Variants in TECRL observed in about 807,000 individuals in gnomAD.
TECRL encodes the protein trans-2,3-enoyl-CoA reductase-like.
TECRL carries 63 observed loss-of-function variants against 52.8 expected under a neutral mutation model. That is an observed-to-expected ratio of 1.19 (90% CI 0.97 to 1.47). The LOEUF (loss-of-function observed/expected upper bound fraction) is 1.47. TECRL is among the 40% of genes most tolerant of loss of function. The pLI, the probability that TECRL is intolerant of heterozygous loss-of-function variation, is 0.00. For missense variants in TECRL, 482 were observed against 429.6 expected, an observed-to-expected ratio of 1.12 and a Z score of -1.08; for synonymous variants, 164 against 141.9, an observed-to-expected ratio of 1.16 and a Z score of -1.10.
At chr4:64,286,223 A>G (rs1364243732) in intron 9 of TECRL, among the ~76,000 whole-genome samples, 1 of 152,034 alleles carries the variant, frequency 6.6e-6, no homozygotes, top group East Asian at 1.9e-4. Context: ...CTGAAAATAG[A>G]TATGGAAAAA....
intron 2 of TECRL, among the ~76,000 whole-genome samples, chr4:64,353,969 A>C (rs1447678173): frequency 6.6e-6 from 1 of 152,200 alleles, no homozygotes; most frequent in African/African-American, 2.4e-5. Context: ...AGCTAAAATC[A>C]AACAATAAAA....
intron 4 of TECRL, among the ~76,000 whole-genome samples, chr4:64,317,345 C>A (rs1250399820): frequency 1.3e-5 from 2 of 151,670 alleles, no homozygotes; most frequent in African/African-American, 4.8e-5. Context: ...ATGGCTGCAA[C>A]TGTGAATTGG....
intron 1 of TECRL, among the ~76,000 whole-genome samples, chr4:64,405,629 A>G (rs978606286): frequency 6.6e-6 from 1 of 152,176 alleles, no homozygotes; most frequent in Non-Finnish European, 1.5e-5. Flanking sequence ...TCCAAGGAAA[A>G]TAATAGGTTA....
At chr4:64,339,661 G>T (rs1719409030) in intron 2 of TECRL, among the ~76,000 whole-genome samples, 2 of 151,208 alleles carry the variant, frequency 1.3e-5, no homozygotes, top group Non-Finnish European at 1.5e-5. Flanking sequence ...TGCCCTTTAG[G>T]TCCTTGATCT....
At chr4:64,313,334 C>G (rs181762077) in intron 5 of TECRL, among the ~76,000 whole-genome samples, 1 of 151,558 alleles carries the variant, frequency 6.6e-6, no homozygotes, top group African/African-American at 2.4e-5. Flanking sequence ...CTCCCCAGAT[C>G]CCACTATAGC....
rs35563807 is a variant in TECRL at position 64,407,485 on chromosome 4, A to ATGTGTG, written c.234+1627_234+1632dup. Among the ~76,000 whole-genome samples, 941 of 148,786 alleles carry ATGTGTG rather than the reference A, an allele frequency of 6.3e-3. 8 individuals carry two copies. The highest frequency in any genetic ancestry group is 0.022 in the African/African-American group (888 of 40,586). The stretch of plus-strand genomic sequence containing the variant: ...GGCAAATAATTAGGAACTAATTGGC[A>ATGTGTG]TGTGTGTGTGTGTGTGTGTGTGTGT... On this transcript the variant is annotated intron_variant, in intron 1 of 11. Coordinates refer to ENST00000381210, the MANE Select transcript of TECRL (RefSeq NM_001010874.5).
At chr4:64,368,266 C>T (rs923865393) in intron 2 of TECRL, among the ~76,000 whole-genome samples, 3 of 129,904 alleles carry the variant, frequency 2.3e-5, no homozygotes, top group Non-Finnish European at 4.9e-5. Context: ...AGGCTCATAA[C>T]TGTTTGTTTG....
intron 2 of TECRL, among the ~76,000 whole-genome samples, chr4:64,339,338 C>T (rs144791356): frequency 2.0e-5 from 3 of 150,658 alleles, no homozygotes; most frequent in Admixed American, 6.6e-5. Context: ...ATGTGAATGA[C>T]GTAAATGATG....
chr4:64,399,412 T>A (rs141128436), intron 1 of TECRL, among the ~76,000 whole-genome samples: 419 of 152,178 alleles, frequency 2.8e-3, no homozygotes, highest in African/African-American at 9.4e-3. Context: ...TTTTGAGAAG[T>A]AATTCGAGCA....
At position 64,306,320 on chromosome 4, in the gene TECRL, G is replaced by A. The variant is rs79947803; in HGVS notation, c.658-1082C>T. Reference sequence around the variant, plus strand: ...AGTTTCCCTTCATGGAGCTCTAGCCGTTGTGTGGGACTTAGAAGGATATCC... The same window carrying A: ...AGTTTCCCTTCATGGAGCTCTAGCCATTGTGTGGGACTTAGAAGGATATCC... On this transcript the variant is annotated intron_variant, in intron 6 of 11. Transcript: ENST00000381210. 8.8e-3 allele frequency among the ~76,000 whole-genome samples: 1,336 copies of A among 152,146 alleles called. 18 individuals carry two copies. Among genetic ancestry groups the A allele is most frequent in the African/African-American group, 0.03 (1,263 of 41,512 alleles).
At chr4:64,369,794 C>T (rs1317623300) in intron 2 of TECRL, among the ~76,000 whole-genome samples, 2 of 151,790 alleles carry the variant, frequency 1.3e-5, no homozygotes, top group Non-Finnish European at 2.9e-5. Flanking sequence ...TATTTTAGGT[C>T]CGTGGCACAT....
Position 64,300,131 on chromosome 4 carries a change from G to A in TECRL, c.731-114C>T, listed in dbSNP as rs13139627. 448,253 of 635,860 alleles carry A rather than the reference G, an allele frequency of 0.7. 164,036 individuals carry two copies. The highest frequency in any genetic ancestry group is 0.77 in the East Asian group (24,704 of 31,904). 39.4% of individuals were successfully genotyped at this position (635,860 alleles called of 1,614,324 possible). A position where few individuals can be genotyped will look rare whatever the true frequency, so the allele number is the denominator to read the frequency against. On this transcript the variant is annotated intron_variant, in intron 7 of 11. Transcript: ENST00000381210. ...TATAAATTCTATAATCAATAGAACTGTCTAGTATGTAATTCACCTTTTGGG... is the reference window on the plus strand; with the variant it reads ...TATAAATTCTATAATCAATAGAACTATCTAGTATGTAATTCACCTTTTGGG...
At chr4:64,395,079 T>C (rs1005089348) in intron 1 of TECRL, among the ~76,000 whole-genome samples, 5 of 151,726 alleles carry the variant, frequency 3.3e-5, no homozygotes, top group African/African-American at 4.8e-5. Flanking sequence ...ACCTGGCTAA[T>C]TTTTGTATTT....
intron 2 of TECRL, among the ~76,000 whole-genome samples, chr4:64,332,433 A>T (rs1560505724): frequency 6.6e-6 from 1 of 152,182 alleles, no homozygotes; most frequent in South Asian, 2.1e-4. Context: ...CTGGAAGGAG[A>T]TCGCTTCTTT....
chr4:64,300,155 G>A (rs1326206239), intron 7 of TECRL, 138 bp from the exon 8 acceptor site: 3 of 500,040 alleles, frequency 6.0e-6, no homozygotes, highest in African/African-American at 4.0e-5. Flanking sequence ...TCACCTTTTG[G>A]GATGATACTT....
rs1231526106 is a variant in TECRL at position 64,294,400 on chromosome 4, C to T, written c.775-4633G>A. On this transcript the variant is annotated intron_variant, in intron 8 of 11. Coordinates refer to ENST00000381210, the MANE Select transcript of TECRL (RefSeq NM_001010874.5). Reference sequence around the variant, plus strand: ...TGTTCCTAACACTAACGCTTTTCATCTTTTTCCTTTGCCAAACATTTATTC... The same window carrying T: ...TGTTCCTAACACTAACGCTTTTCATTTTTTTCCTTTGCCAAACATTTATTC... Among the ~76,000 whole-genome samples the T allele has an allele frequency of 2.0e-5, 3 of 152,102 alleles. No individual in the cohort carries two copies. In the East Asian group the frequency reaches 5.8e-4, roughly 29 times the overall value.
intron 8 of TECRL, among the ~76,000 whole-genome samples, chr4:64,296,941 A>G (rs1018882302): frequency 6.6e-6 from 1 of 151,522 alleles, no homozygotes; most frequent in Non-Finnish European, 1.5e-5. Context: ...TAGATTTGTG[A>G]TACCCGAACA....
At chr4:64,300,673 T>C (rs1402671247) in intron 7 of TECRL, among the ~76,000 whole-genome samples, 2 of 151,020 alleles carry the variant, frequency 1.3e-5, no homozygotes, top group East Asian at 3.9e-4. Flanking sequence ...AACAGTTGCA[T>C]TCCTATCTTC....
intron 3 of TECRL, among the ~76,000 whole-genome samples, chr4:64,327,671 C>T (rs1718354197): frequency 2.0e-5 from 3 of 151,934 alleles, no homozygotes; most frequent in Non-Finnish European, 2.9e-5. Flanking sequence ...ACATACAGTT[C>T]TCAGAGAACG....
Sources: allele counts gnomAD v4.1 joint callset (sites outside exome capture counted in the v4.1 genomes callset), GRCh38; gene constraint gnomAD v4.1.1; transcripts MANE v1.5; gene names NCBI Gene and HGNC (gene_info 2026-07-23, HGNC 2026-07-21).